Variants in MIR2052HG observed in about 807,000 individuals in gnomAD.
MIR2052HG encodes MIR2052 host gene.
At chr8:74,698,712 A>G (rs1009477045) in intron 2 of MIR2052HG, among the ~76,000 whole-genome samples, 3 of 152,204 alleles carry the variant, frequency 2.0e-5, no homozygotes, top group African/African-American at 7.2e-5. Flanking sequence ...GTTTTCACTC[A>G]TAAGTGAGAG....
chr8:74,664,208 A>C (rs78663817), intron 2 of MIR2052HG, among the ~76,000 whole-genome samples: 3,546 of 152,116 alleles, frequency 0.023, 139 homozygotes, highest in African/African-American at 0.081. Flanking sequence ...AAGTGCACTA[A>C]AATCTCAGAA....
At chr8:74,721,090 T>G (rs1809573455) in intron 4 of MIR2052HG, among the ~76,000 whole-genome samples, 1 of 152,132 alleles carries the variant, frequency 6.6e-6, no homozygotes, top group Admixed American at 6.5e-5. Context: ...AGGACTCTGT[T>G]GAACAGTCTA....
intron 2 of MIR2052HG, among the ~76,000 whole-genome samples, chr8:74,701,308 A>C (rs1051064765): frequency 1.3e-5 from 2 of 152,184 alleles, no homozygotes; most frequent in African/African-American, 4.8e-5. Context: ...TTATTATTGA[A>C]TAGATGGATA....
intron 2 of MIR2052HG, among the ~76,000 whole-genome samples, chr8:74,667,361 A>G (rs112171272): frequency 3.9e-5 from 6 of 152,222 alleles, no homozygotes; most frequent in African/African-American, 1.4e-4. Context: ...CTCATATGAC[A>G]AAAGATAATG....
chr8:74,634,759 T>C (rs1355359155), intron 2 of MIR2052HG, among the ~76,000 whole-genome samples: 1 of 152,188 alleles, frequency 6.6e-6, no homozygotes, highest in Non-Finnish European at 1.5e-5. Flanking sequence ...AGGAGACATC[T>C]ACCACTACTT....
chr8:74,684,308 G>C (rs534392980), intron 2 of MIR2052HG, among the ~76,000 whole-genome samples: 2 of 151,758 alleles, frequency 1.3e-5, no homozygotes, highest in African/African-American at 4.8e-5. Context: ...TGGGCATATC[G>C]TTTTTTTGGA....
chr8:74,614,321 CTT>C (rs1172512120), intron 2 of MIR2052HG, among the ~76,000 whole-genome samples: 1 of 152,018 alleles, frequency 6.6e-6, no homozygotes, highest in African/African-American at 2.4e-5. Flanking sequence ...TTATTTTGAT[CTT>C]TTTGTCTTTT....
At chr8:74,608,128 C>T (rs1055346209) in intron 1 of MIR2052HG, among the ~76,000 whole-genome samples, 43 of 152,256 alleles carry the variant, frequency 2.8e-4, no homozygotes, top group African/African-American at 1.0e-3. Context: ...AATTTCATAG[C>T]AGGCATATTT....
rs554408153 is a variant in MIR2052HG at position 74,620,030 on chromosome 8, C to A, written n.216+7090C>A. Reference sequence around the variant, plus strand: ...ATACAGGTATTGGGTATAGCCATTCCAATGGGAGAAATTAACTAAAACAAA... The same window carrying A: ...ATACAGGTATTGGGTATAGCCATTCAAATGGGAGAAATTAACTAAAACAAA... On this transcript the variant is annotated intron_variant and non_coding_transcript_variant, in intron 2 of 6. Transcript: ENST00000523442. Among the ~76,000 whole-genome samples, 14 of 152,272 alleles carry A rather than the reference C, an allele frequency of 9.2e-5. No individual in the cohort carries two copies. The South Asian group carries it at 2.7e-3, about 29-fold the overall frequency.
intron 4 of MIR2052HG, among the ~76,000 whole-genome samples, chr8:74,750,245 C>T (rs1479291939): frequency 6.6e-6 from 1 of 152,150 alleles, no homozygotes; most frequent in Non-Finnish European, 1.5e-5. Flanking sequence ...AGATATTAAA[C>T]ATCTAAGTGA....
chr8:74,671,570 TA>T (rs1460627013), intron 2 of MIR2052HG, among the ~76,000 whole-genome samples: 1 of 152,094 alleles, frequency 6.6e-6, no homozygotes, highest in East Asian at 1.9e-4. Flanking sequence ...TCTGGAGATA[TA>T]AAAATGTTAT....
intron 2 of MIR2052HG, among the ~76,000 whole-genome samples, chr8:74,651,335 T>TA (rs1327049454): frequency 2.0e-5 from 3 of 152,128 alleles, no homozygotes; most frequent in Non-Finnish European, 4.4e-5. Context: ...TTCCACTATA[T>TA]TGCAAGGTGA....
At chr8:74,617,527 TGTG>T (rs1369935307) in intron 2 of MIR2052HG, among the ~76,000 whole-genome samples, 7 of 151,924 alleles carry the variant, frequency 4.6e-5, no homozygotes, top group African/African-American at 1.2e-4. Flanking sequence ...TATATAAAAA[TGTG>T]GTGTATATAC....
At chr8:74,605,563 C>G (rs1250425302) in intron 1 of MIR2052HG, among the ~76,000 whole-genome samples, 1 of 152,136 alleles carries the variant, frequency 6.6e-6, no homozygotes, top group Non-Finnish European at 1.5e-5. Flanking sequence ...GAAGAAAATA[C>G]TTGGAAAGAA....
intron 2 of MIR2052HG, among the ~76,000 whole-genome samples, chr8:74,625,734 T>C (rs1173142353): frequency 6.6e-6 from 1 of 152,210 alleles, no homozygotes; most frequent in Non-Finnish European, 1.5e-5. Context: ...TGAAATTATA[T>C]TTTGTATTTT....
intron 1 of MIR2052HG, chr8:74,603,111 A>G: frequency 4.8e-6 from 3 of 620,898 alleles, no homozygotes; most frequent in Non-Finnish European, 8.7e-6. Flanking sequence ...ACAGCTGAAC[A>G]GAGAAAGGAA....
intron 5 of MIR2052HG, chr8:74,757,166 G>C (rs1377254684): frequency 6.6e-6 from 1 of 152,198 alleles, no homozygotes; most frequent in East Asian, 1.9e-4. Context: ...GCACCTGTGA[G>C]AGTGTCATTA....
intron 2 of MIR2052HG, among the ~76,000 whole-genome samples, chr8:74,654,278 A>G (rs1808781121): frequency 6.6e-6 from 1 of 152,130 alleles, no homozygotes; most frequent in Admixed American, 6.5e-5. Flanking sequence ...AGGAATCTAC[A>G]AAGGAGACTA....
intron 2 of MIR2052HG, among the ~76,000 whole-genome samples, chr8:74,661,744 G>T (rs1038263268): frequency 6.6e-6 from 1 of 152,136 alleles, no homozygotes; most frequent in East Asian, 1.9e-4. Context: ...AGGGGAAATC[G>T]GATGCAGGTG....
Sources: gnomAD v4.1 joint callset for allele counts (sites outside exome capture counted in the v4.1 genomes callset) on GRCh38, gnomAD v4.1.1 for gene constraint, MANE v1.5 for transcripts, NCBI Gene and HGNC (gene_info 2026-07-23, HGNC 2026-07-21) for gene names.